CDKL4: variants seen among roughly 807,000 people sequenced by gnomAD.
CDKL4 encodes cyclin-dependent kinase-like 4.
Under a neutral mutation model 42.0 loss-of-function variants are expected in CDKL4, and 44 were observed. That is an observed-to-expected ratio of 1.05 (90% confidence interval 0.82 to 1.35). The LOEUF (loss-of-function observed/expected upper bound fraction) is 1.35. CDKL4 is among the 40% of genes most tolerant of loss of function. CDKL4 has a pLI of 0.00. For missense variants in CDKL4, 393 were observed against 369.9 expected, an observed-to-expected ratio of 1.06 and a Z score of -0.51; for synonymous variants, 120 against 121.6, an observed-to-expected ratio of 0.99 and a Z score of 0.09.
At chr2:39,179,722 G>A (rs974357928) in intron 8 of CDKL4, among the ~76,000 whole-genome samples, 3 of 152,210 alleles carry the variant, frequency 2.0e-5, no homozygotes, top group Admixed American at 1.3e-4. Flanking sequence ...AGGGAATCGA[G>A]GCACTGGAGG....
At chr2:39,204,995 G>A (rs1454562287) in intron 4 of CDKL4, among the ~76,000 whole-genome samples, 5 of 151,926 alleles carry the variant, frequency 3.3e-5, no homozygotes, top group African/African-American at 9.7e-5. Flanking sequence ...CCTGGGCAAT[G>A]CAATGAGACC....
rs1002820090 is a variant in CDKL4, at chr2:39,212,236, T to G, written c.363+1164A>C. On this transcript the variant is annotated intron_variant, in intron 4 of 9. Coordinates refer to ENST00000451199, the Ensembl canonical transcript of CDKL4. ...CTACGGCTATAAAAAATTAATGAAT[T>G]TTTTTTTTTTTTTTTGAGACAGAGT... Among the ~76,000 whole-genome samples, 11 of 139,862 alleles carry G rather than the reference T, an allele frequency of 7.9e-5. No individual in the cohort carries two copies. In the South Asian group the frequency reaches 2.3e-3, roughly 29 times the overall value. 91.8% of individuals were successfully genotyped at this position (139,862 alleles called of 152,430 possible).
intron 9 of CDKL4, among the ~76,000 whole-genome samples, chr2:39,176,336 TTAATC>T (rs1422808017): frequency 6.6e-6 from 1 of 152,226 alleles, no homozygotes; most frequent in East Asian, 1.9e-4. Context: ...TTCAGTACAC[TTAATC>T]TGAGTATCTA....
intron 8 of CDKL4, among the ~76,000 whole-genome samples, chr2:39,180,658 T>G (rs1196022697): frequency 6.6e-6 from 1 of 151,724 alleles, no homozygotes; most frequent in Non-Finnish European, 1.5e-5. Flanking sequence ...ATCCTAGTAC[T>G]GTTAGGGCTA....
chr2:39,218,136 T>C (rs1678052644), intron 3 of CDKL4, among the ~76,000 whole-genome samples: 1 of 152,228 alleles, frequency 6.6e-6, no homozygotes, highest in African/African-American at 2.4e-5. Context: ...TTGTTCCTTC[T>C]ACTTCCTTTT....
At chr2:39,174,092 A>G (rs1278557012), downstream of CDKL4, among the ~76,000 whole-genome samples, 1 of 152,110 alleles carries the variant, frequency 6.6e-6, no homozygotes, top group East Asian at 1.9e-4. Flanking sequence ...TGTAGGCCAG[A>G]TCAGATCAGC....
chr2:39,177,017 G>A (rs184728093), intron 9 of CDKL4, among the ~76,000 whole-genome samples: 60 of 152,168 alleles, frequency 3.9e-4, no homozygotes, highest in Non-Finnish European at 1.5e-4. Context: ...GTGCTACAGG[G>A]GGACCCACCA....
chr2:39,194,120 G>T (rs1676365040), intron 5 of CDKL4, among the ~76,000 whole-genome samples: 1 of 152,124 alleles, frequency 6.6e-6, no homozygotes, highest in South Asian at 2.1e-4. Flanking sequence ...GTTCGAAATT[G>T]TGTTCCCACT....
chr2:39,209,757 A>G (rs1396488697), intron 4 of CDKL4, among the ~76,000 whole-genome samples: 1 of 152,180 alleles, frequency 6.6e-6, no homozygotes, highest in African/African-American at 2.4e-5. Context: ...GTCGTCAGCA[A>G]CACCACTAGG....
chr2:39,187,299 G>A (rs1169790519), intron 7 of CDKL4, among the ~76,000 whole-genome samples: 1 of 152,086 alleles, frequency 6.6e-6, no homozygotes, highest in African/African-American at 2.4e-5. Flanking sequence ...ACCCAGTCTC[G>A]GGGAAGTTCT....
Position 39,187,711 on chromosome 2 carries a change from T to C in CDKL4, c.653-2A>G, listed in dbSNP as rs1373520600. On this transcript the variant is annotated splice_acceptor_variant, in intron 6 of 9. Coordinates refer to ENST00000451199, the Ensembl canonical transcript of CDKL4. LOFTEE classifies it high-confidence loss of function. ...ATTGATGTCTTGGGATTAATTTTCCTGTAAAATACAAACCACATAATTCAT... is the reference window on the plus strand; with the variant it reads ...ATTGATGTCTTGGGATTAATTTTCCCGTAAAATACAAACCACATAATTCAT... The C allele has an allele frequency of 6.3e-7, 1 of 1,599,388 alleles. No homozygotes were observed. Among genetic ancestry groups the C allele is most frequent in the South Asian group, 1.1e-5 (1 of 90,498 alleles).
chr2:39,197,173 A>G (rs531427286), intron 5 of CDKL4, among the ~76,000 whole-genome samples: 1 of 152,356 alleles, frequency 6.6e-6, no homozygotes, highest in South Asian at 2.1e-4. Flanking sequence ...CACTTAGAGA[A>G]ATGCAAAATG....
At chr2:39,219,193 A>G (rs548520458) in intron 3 of CDKL4, among the ~76,000 whole-genome samples, 11 of 152,322 alleles carry the variant, frequency 7.2e-5, no homozygotes, top group African/African-American at 2.2e-4. Flanking sequence ...ACCCTGTGAC[A>G]AATCTCTTTC....
intron 1 of CDKL4, among the ~76,000 whole-genome samples, chr2:39,233,784 A>T (rs760170866): frequency 7.9e-5 from 12 of 151,632 alleles, no homozygotes; most frequent in Admixed American, 2.0e-4. Flanking sequence ...CAAACACTTC[A>T]AACTGATTTA....
chr2:39,240,552 C>G (rs185949158), intron 1 of CDKL4, among the ~76,000 whole-genome samples: 10 of 151,732 alleles, frequency 6.6e-5, no homozygotes, highest in African/African-American at 2.4e-4. Context: ...GAAGAGGTCC[C>G]TATATGGAAA....
chr2:39,213,405 G>A (rs1677704755), exon 4 of CDKL4: 2 of 1,577,000 alleles, frequency 1.3e-6, no homozygotes, highest in African/African-American at 1.3e-5. Context: ...CTTACGTTAT[G>A]TATATGACAG....
At chr2:39,189,637 C>T (rs1241190340) in intron 6 of CDKL4, among the ~76,000 whole-genome samples, 1 of 152,144 alleles carries the variant, frequency 6.6e-6, no homozygotes, top group East Asian at 1.9e-4. Context: ...TTCTGTACAG[C>T]TTGTGACCTC....
chr2:39,199,095 G>A (rs1676694145), intron 5 of CDKL4, among the ~76,000 whole-genome samples: 1 of 152,036 alleles, frequency 6.6e-6, no homozygotes, highest in South Asian at 2.1e-4. Flanking sequence ...CCATTAGCAA[G>A]ATTAACCAAT....
rs79764717 is a variant in CDKL4, at chr2:39,185,991, C to T, written c.736-1344G>A. 1.6e-3 allele frequency among the ~76,000 whole-genome samples: 239 copies of T among 152,164 alleles called. 6 individuals carry two copies. The East Asian group carries it at 0.021, about 13-fold the overall frequency. On this transcript the variant is annotated intron_variant, in intron 7 of 9. Transcript: ENST00000451199. Reference sequence around the variant, plus strand: ...GTATTCATGAAAATACATTGGACTACATGCATAAGAGCACTACAGAAATCA... The same window carrying T: ...GTATTCATGAAAATACATTGGACTATATGCATAAGAGCACTACAGAAATCA...
Sources: allele counts gnomAD v4.1 joint callset (sites outside exome capture counted in the v4.1 genomes callset), GRCh38; gene constraint gnomAD v4.1.1; transcripts MANE v1.5; gene names NCBI Gene and HGNC (gene_info 2026-07-23, HGNC 2026-07-21).